SFI1: variants seen among roughly 807,000 people sequenced by gnomAD.
The protein encoded by SFI1 is protein SFI1 homolog.
SFI1 carries 195 observed loss-of-function variants against 207.5 expected under a neutral mutation model. That is an observed-to-expected ratio of 0.94 (90% CI 0.84 to 1.06). The LOEUF (loss-of-function observed/expected upper bound fraction) is 1.06. Ranked by LOEUF, SFI1 falls within the 50% of genes least tolerant of loss-of-function variation. The pLI, the probability that SFI1 is intolerant of heterozygous loss-of-function variation, is 0.00. For missense variants in SFI1, 1,634 were observed against 1,588.0 expected (o/e 1.03, Z -0.49); for synonymous variants, 630 against 598.9 (o/e 1.05, Z -0.76).
chr22:31,510,698 TACTGGGATTACA>T (rs2055367074), intron 2 of SFI1, among the ~76,000 whole-genome samples: 2 of 152,208 alleles, frequency 1.3e-5, no homozygotes, highest in Non-Finnish European at 2.9e-5. Context: ...CCTCCCAAAG[TACTGGGATTACA>T]GGCATGAGCC....
At chr22:31,538,326 TC>T (rs2059184407) in intron 4 of SFI1, 1 of 152,070 alleles carries the variant, frequency 6.6e-6, no homozygotes, top group African/African-American at 2.4e-5. Flanking sequence ...GAATAATTTT[TC>T]TTCAGTCCTT....
intron 23 of SFI1, 49 bp downstream of exon 23, chr22:31,611,352 G>A: frequency 3.2e-6 from 5 of 1,544,760 alleles, no homozygotes; most frequent in Non-Finnish European, 4.4e-6. Flanking sequence ...CTGGCAAGGG[G>A]TGTCCAGGCC....
intron 2 of SFI1, among the ~76,000 whole-genome samples, chr22:31,527,387 C>G (rs567111451): frequency 6.6e-6 from 1 of 152,226 alleles, no homozygotes; most frequent in African/African-American, 2.4e-5. Flanking sequence ...TATGTGGGAA[C>G]AGTCTGTTCG....
At chr22:31,501,634 T>A (rs2053790294) in intron 1 of SFI1, among the ~76,000 whole-genome samples, 1 of 152,186 alleles carries the variant, frequency 6.6e-6, no homozygotes, top group African/African-American at 2.4e-5. Flanking sequence ...AAAATGAAGT[T>A]GATAACCACT....
Position 31,615,138 on chromosome 22 carries a change from A to G in SFI1, c.3159A>G (p.Ala1053=), listed in dbSNP as rs1685982793. 6.2e-7 allele frequency: 1 copy of G among 1,608,844 alleles called. No homozygotes were observed. ...CCTTCCTGGCAGAGGCCCCGACAGC[A>G]CTGGTCCCACACAGCCCCCTGCCTG... is the stretch of plus-strand genomic sequence containing the variant. ...TRPFLAEAPT[A]LVPHSPLPGA... is the part of the protein sequence containing the mutation. The change falls in exon 29 of 33, where the codon GCA becomes GCG. Residue 1053 remains alanine, a synonymous_variant. Transcript: ENST00000400288.
In SFI1 at chr22:31,602,469, C is replaced by T. The variant is rs1217675997; in HGVS notation, c.1627-138C>T. On this transcript the variant is annotated intron_variant, in intron 16 of 32. Transcript: ENST00000400288. ...GTCCTTTCTCAGTGGAGCCTACAGACAGCTTCTGGGCTGGACCACGTCCTG... is the reference window on the plus strand; with the variant it reads ...GTCCTTTCTCAGTGGAGCCTACAGATAGCTTCTGGGCTGGACCACGTCCTG... 4 of 1,169,430 alleles carry T rather than the reference C, an allele frequency of 3.4e-6. No homozygotes were observed. In the African/African-American group the frequency reaches 4.6e-5, roughly 13 times the overall value. 72.4% of individuals were successfully genotyped at this position (1,169,430 alleles called of 1,614,324 possible).
chr22:31,509,151 T>C (rs2055114913), intron 2 of SFI1, among the ~76,000 whole-genome samples: 1 of 152,208 alleles, frequency 6.6e-6, no homozygotes, highest in Non-Finnish European at 1.5e-5. Flanking sequence ...TCATGGTGTT[T>C]ATATGGCATA....
chr22:31,551,760 G>T (rs2060645100), intron 6 of SFI1, among the ~76,000 whole-genome samples: 1 of 152,170 alleles, frequency 6.6e-6, no homozygotes. Context: ...AAACTGGCAA[G>T]GTTTTTTATC....
chr22:31,614,456 CCTCA>C (rs1569467906), intron 27 of SFI1: 4 of 495,994 alleles, frequency 8.1e-6, no homozygotes, highest in South Asian at 7.0e-5. Context: ...CTGCTGTGCT[CCTCA>C]CTGTTTGACT....
rs2070841963 is a variant in SFI1, at chr22:31,613,868, T to C, written c.2996+13T>C. On this transcript the variant is annotated intron_variant, in intron 27 of 32. Coordinates refer to ENST00000400288, the MANE Select transcript of SFI1 (RefSeq NM_001007467.3). ...ACGCCCTGGAGCTGTGAGTAGCCTG[T>C]GCTCACCTTGTCCTCGCTTCCACCC... 2 of 1,581,672 alleles carry C rather than the reference T, an allele frequency of 1.3e-6. No individual in the cohort carries two copies. The highest frequency in any genetic ancestry group is 1.7e-6 in the Non-Finnish European group (2 of 1,163,120).
intron 2 of SFI1, among the ~76,000 whole-genome samples, chr22:31,526,516 T>C (rs1274976894): frequency 6.6e-6 from 1 of 152,150 alleles, no homozygotes; most frequent in Non-Finnish European, 1.5e-5. Flanking sequence ...GGAGCTACAA[T>C]TGCAGATGCG....
In SFI1 at chr22:31,616,783, G is replaced by C; in HGVS notation, c.3339G>C (p.Pro1113=). Residue 1113 remains proline (P), a synonymous_variant, in exon 30 of 33, where the codon CCG becomes CCC. Transcript: ENST00000400288. ...GGGCTACTCCTAGGGATAAGCCCCC[G>C]GTCCCCTCATCCCTGGCCAGTGTCC... ...AQRATPRDKP[P]VPSSLASVPD... is the part of the protein sequence containing the mutation. The C allele has an allele frequency of 1.3e-6, 2 of 1,596,840 alleles. No individual in the cohort carries two copies. The highest frequency in any genetic ancestry group is 2.3e-5 in the South Asian group (2 of 88,472).
At position 31,582,273 on chromosome 22, in the gene SFI1, C is replaced by T. The variant is rs182816903; in HGVS notation, c.1249-1602C>T. On this transcript the variant is annotated intron_variant, in intron 12 of 32. Coordinates refer to ENST00000400288, the MANE Select transcript of SFI1 (RefSeq NM_001007467.3). The stretch of plus-strand genomic sequence containing the variant: ...TTTTTTTTTTTTTTTTTTTTGAAAC[C>T]GGGTCTCGCTCTCGCCCAGGCTGGA... Among the ~76,000 whole-genome samples the T allele has an allele frequency of 3.9e-4, 17 of 43,816 alleles. No individual in the cohort carries two copies. The Admixed American group carries it at 5.2e-3, about 13-fold the overall frequency. The allele number at this position is 43,816 out of a possible 152,430, so 28.7% of individuals were successfully genotyped here.
intron 7 of SFI1, chr22:31,559,859 T>C: frequency 1.5e-6 from 1 of 680,146 alleles, no homozygotes; most frequent in East Asian, 2.9e-5. Context: ...GCACCACTTC[T>C]GGGGCCTTCG....
intron 2 of SFI1, among the ~76,000 whole-genome samples, chr22:31,522,152 C>T (rs1254845342): frequency 6.8e-6 from 1 of 147,522 alleles, no homozygotes; most frequent in Non-Finnish European, 1.5e-5. Context: ...ACTGCAACCT[C>T]CACCTCACGG....
At chr22:31,585,235 C>G in intron 14 of SFI1, 101 bp downstream of exon 14, 1 of 1,006,016 alleles carries the variant, frequency 9.9e-7, no homozygotes, top group Non-Finnish European at 1.5e-6. Flanking sequence ...GAAGTCTTAT[C>G]GTTCTGCTTT....
In SFI1 at chr22:31,568,791, A is replaced by G. The variant is rs144992854; in HGVS notation, c.766-4267A>G. ...AAGGGTTCCCAGGGCTTAAGATAGA[A>G]AAGTTTGAGCATCAAAAAACAATAA... is the stretch of plus-strand genomic sequence containing the variant. On this transcript the variant is annotated intron_variant, in intron 8 of 32. Transcript: ENST00000400288. Among the ~76,000 whole-genome samples the G allele has an allele frequency of 4.4e-3, 672 of 152,172 alleles. 5 individuals carry two copies. Among genetic ancestry groups the G allele is most frequent in the African/African-American group, 0.015 (625 of 41,540 alleles).
In SFI1 at chr22:31,606,425, T is replaced by G. The variant is rs774191175; in HGVS notation, c.2152T>G (p.Ser718Ala). The G allele has an allele frequency of 6.2e-7, 1 of 1,613,416 alleles. No homozygotes were observed. Among genetic ancestry groups the G allele is most frequent in the African/African-American group, 1.3e-5 (1 of 74,892 alleles). The change falls in exon 21 of 33, where the codon TCC becomes GCC. Residue 718 changes from serine (S) to alanine (A), a missense_variant. Physicochemically the swap from Ser to Ala is moderately conservative, Grantham distance 99 (BLOSUM62 1). Coordinates refer to ENST00000400288, the MANE Select transcript of SFI1 (RefSeq NM_001007467.3). ...ASTHYRRTIC[S>A]KVLVQWREAV... is the part of the protein sequence containing the mutation. Reference sequence around the variant, plus strand: ...TACTCATTACAGAAGGACCATATGTTCCAAGGTGAGGTATAAGGAGGCAAG... The same window carrying G: ...TACTCATTACAGAAGGACCATATGTGCCAAGGTGAGGTATAAGGAGGCAAG...
chr22:31,586,643 A>G (rs2065062324), intron 14 of SFI1, among the ~76,000 whole-genome samples: 1 of 152,226 alleles, frequency 6.6e-6, no homozygotes. Flanking sequence ...TCTTAAGTTC[A>G]TGTAATACAA....
Sources: allele counts gnomAD v4.1 joint callset (sites outside exome capture counted in the v4.1 genomes callset), GRCh38; gene constraint gnomAD v4.1.1; transcripts MANE v1.5; gene names NCBI Gene and HGNC (gene_info 2026-07-23, HGNC 2026-07-21).